Variants in USP49 observed in about 807,000 individuals in gnomAD.
USP49 encodes ubiquitin specific peptidase 49.
In USP49, 24 loss-of-function variants were observed where a neutral mutation model predicts 58.6. The ratio of observed to expected loss-of-function variants is 0.41; its 90% CI spans 0.30 to 0.58. USP49 has a LOEUF of 0.58. Ranked by LOEUF, USP49 falls within the 20% of genes least tolerant of loss-of-function variation. The probability of loss-of-function intolerance (pLI) is 0.30; values close to 1 mark genes in which losing one functional copy is unlikely to be tolerated. For synonymous variants in USP49, 408 were observed against 365.1 expected (o/e 1.12, Z -1.34); for missense variants, 703 against 866.1 (o/e 0.81, Z 2.36).
At chr6:41,860,365 G>A (rs756174160) in intron 3 of USP49, among the ~76,000 whole-genome samples, 14 of 152,168 alleles carry the variant, frequency 9.2e-5, no homozygotes, top group Non-Finnish European at 1.8e-4. Context: ...AACTTTACTG[G>A]AATCCTAATT....
intron 3 of USP49, among the ~76,000 whole-genome samples, chr6:41,821,774 T>G (rs1180704282): frequency 6.6e-6 from 1 of 152,192 alleles, no homozygotes; most frequent in Admixed American, 6.5e-5. Flanking sequence ...TCCTTCCTCA[T>G]GGACTCCAAT....
chr6:41,859,091 T>C (rs1372055806), intron 3 of USP49, among the ~76,000 whole-genome samples: 1 of 152,200 alleles, frequency 6.6e-6, no homozygotes, highest in Non-Finnish European at 1.5e-5. Flanking sequence ...TGCCTTTTAA[T>C]GGGTCTTCCT....
chr6:41,852,476 A>T (rs566323829), intron 3 of USP49, among the ~76,000 whole-genome samples: 1 of 152,384 alleles, frequency 6.6e-6, no homozygotes, highest in Admixed American at 6.5e-5. Flanking sequence ...GAAATTTTTT[A>T]AAATCTCATT....
chr6:41,828,909 A>C (rs1773587197), intron 3 of USP49, among the ~76,000 whole-genome samples: 1 of 152,078 alleles, frequency 6.6e-6, no homozygotes, highest in Admixed American at 6.5e-5. Context: ...GCATTTATTG[A>C]ATTTATAAAC....
At chr6:41,831,758 G>A (rs1378379760) in intron 3 of USP49, among the ~76,000 whole-genome samples, 1 of 152,134 alleles carries the variant, frequency 6.6e-6, no homozygotes, top group Non-Finnish European at 1.5e-5. Flanking sequence ...CTGTCTGTAT[G>A]ATAAAGTCCA....
Sources: gnomAD v4.1 joint callset for allele counts (sites outside exome capture counted in the v4.1 genomes callset) on GRCh38, gnomAD v4.1.1 for gene constraint, MANE v1.5 for transcripts, NCBI Gene and HGNC (gene_info 2026-07-23, HGNC 2026-07-21) for gene names.